The following SUMO2 variants were observed in gnomAD, a reference collection of about 807,000 sequenced individuals.
The protein encoded by SUMO2 is small ubiquitin-related modifier 2.
In SUMO2, 1 loss-of-function variant was observed where a neutral mutation model predicts 16.0. The ratio of observed to expected loss-of-function variants is 0.06; its 90% confidence interval spans 0.02 to 0.30. The LOEUF is 0.30. SUMO2 is among the 10% of genes least tolerant of loss of function. The probability of loss-of-function intolerance (pLI) is 1.00; values close to 1 mark genes in which losing one functional copy is unlikely to be tolerated. For synonymous variants in SUMO2, 36 were observed against 40.6 expected, an observed-to-expected ratio of 0.89 and a Z score of 0.43; for missense variants, 16 against 117.5, an observed-to-expected ratio of 0.14 and a Z score of 3.99.
Position 75,166,616 on chromosome 17 carries a change from C to T in SUMO2, c.*1723G>A, listed in dbSNP as rs2074695119. ...CCGGCCTGGACAATATGGCGAAACA[C>T]TCTCTATAAAAAATACAAGAATTAG... On this transcript the variant is annotated 3_prime_UTR_variant, in exon 4 of 4. Transcript: ENST00000420826. 1 of 151,978 alleles carries T rather than the reference C, an allele frequency of 6.6e-6. No homozygotes were observed. Among genetic ancestry groups the T allele is most frequent in the Non-Finnish European group, 1.5e-5 (1 of 67,932 alleles). The allele number at this position is 151,978 out of a possible 1,614,324, so 9.4% of individuals were successfully genotyped here.
rs746155821 is a variant in SUMO2, at chr17:75,182,820, C to G, written c.15G>C (p.Lys5Asn). Residue 5 changes from lysine to asparagine, a missense_variant, in exon 1 of 4, where the codon AAG becomes AAC. Lys to Asn is a moderately conservative substitution (Grantham distance 94, BLOSUM62 0). Coordinates refer to ENST00000420826, the MANE Select transcript of SUMO2 (RefSeq NM_006937.4). MADE[K>N]PKEGVKTENN... ...GGGCCGGCGGCGAGCTCACCTTGGG[C>G]TTTTCGTCGGCCATGGCGAGCGCCG... is the stretch of plus-strand genomic sequence containing the variant. The G allele has an allele frequency of 1.4e-6, 2 of 1,411,702 alleles. No individual in the cohort carries two copies. Among genetic ancestry groups the G allele is most frequent in the Non-Finnish European group, 1.9e-6 (2 of 1,076,008 alleles). The allele number at this position is 1,411,702 out of a possible 1,614,324, so 87.4% of individuals were successfully genotyped here.
At position 75,182,836 on chromosome 17, in the gene SUMO2, G is replaced by T. The variant is rs772389857; in HGVS notation, c.-2C>A. The T allele has an allele frequency of 3.2e-5, 45 of 1,409,020 alleles. No individual in the cohort carries two copies. The highest frequency in any genetic ancestry group is 4.1e-5 in the Non-Finnish European group (44 of 1,074,702). The allele number at this position is 1,409,020 out of a possible 1,614,324, so 87.3% of individuals were successfully genotyped here. The stretch of plus-strand genomic sequence containing the variant: ...CACCTTGGGCTTTTCGTCGGCCATG[G>T]CGAGCGCCGGAGTCTCCTCAGCTGC... On this transcript the variant is annotated 5_prime_UTR_variant, in exon 1 of 4. Transcript: ENST00000420826.
chr17:75,182,090 C>T (rs2074833422), intron 1 of SUMO2, among the ~76,000 whole-genome samples: 1 of 152,174 alleles, frequency 6.6e-6, no homozygotes, highest in South Asian at 2.1e-4. Flanking sequence ...AAAAGTTAAG[C>T]CGCACAAAGT....
At chr17:75,181,836 C>G (rs550131784) in intron 1 of SUMO2, among the ~76,000 whole-genome samples, 19 of 152,124 alleles carry the variant, frequency 1.2e-4, no homozygotes, top group South Asian at 4.2e-4. Flanking sequence ...CCCCTCCCCC[C>G]CTTTGTTGTC....
At position 75,178,342 on chromosome 17, in the gene SUMO2, C is replaced by T. The variant is rs189281248; in HGVS notation, c.153+2715G>A. Among the ~76,000 whole-genome samples the T allele has an allele frequency of 5.7e-3, 864 of 151,608 alleles. 29 individuals carry two copies. The highest frequency in any genetic ancestry group is 0.039 in the Admixed American group (591 of 15,158). ...CATCCTGGCCAATATTGTGAAACCC[C>T]GTCTCTACAAAAAATACAAAAATTG... is the stretch of plus-strand genomic sequence containing the variant. On this transcript the variant is annotated intron_variant, in intron 2 of 3. Transcript: ENST00000420826.
At chr17:75,176,425 G>A (rs2074782836) in intron 2 of SUMO2, among the ~76,000 whole-genome samples, 1 of 152,038 alleles carries the variant, frequency 6.6e-6, no homozygotes, top group South Asian at 2.1e-4. Context: ...AGATCAGCCT[G>A]GCCAATATGG....
In SUMO2 at chr17:75,182,798, C is replaced by T; in HGVS notation, c.21+16G>A. 7.3e-7 allele frequency: 1 copy of T among 1,376,122 alleles called. No homozygotes were observed. The highest frequency in any genetic ancestry group is 1.8e-5 in the South Asian group (1 of 55,088). The allele number at this position is 1,376,122 out of a possible 1,614,324, so 85.2% of individuals were successfully genotyped here. A position where few individuals can be genotyped will look rare whatever the true frequency, so the allele number is the denominator to read the frequency against. On this transcript the variant is annotated intron_variant, in intron 1 of 3. Transcript: ENST00000420826. ...CCCACCGCGCGGCGAGGCGAAGGGG[C>T]CGGCGGCGAGCTCACCTTGGGCTTT...
chr17:75,174,182 C>A (rs371146078), intron 3 of SUMO2, among the ~76,000 whole-genome samples: 5 of 152,226 alleles, frequency 3.3e-5, no homozygotes, highest in African/African-American at 9.6e-5. Context: ...TTGTGGTCAG[C>A]AGTTCAAGAC....
intron 2 of SUMO2, among the ~76,000 whole-genome samples, chr17:75,179,755 GT>G (rs2074812373): frequency 6.6e-6 from 1 of 151,682 alleles, no homozygotes; most frequent in Non-Finnish European, 1.5e-5. Flanking sequence ...CACCTCCCAG[GT>G]TCAAGGGATT....
At chr17:75,170,392 A>G (rs1409181856) in intron 3 of SUMO2, among the ~76,000 whole-genome samples, 2 of 151,736 alleles carry the variant, frequency 1.3e-5, no homozygotes, top group African/African-American at 4.8e-5. Context: ...CAACATGGTG[A>G]AACCCTGTTT....
At chr17:75,180,404 A>C (rs947694135) in intron 2 of SUMO2, among the ~76,000 whole-genome samples, 2 of 141,178 alleles carry the variant, frequency 1.4e-5, no homozygotes, top group African/African-American at 2.6e-5. Flanking sequence ...AAAAAAAAAA[A>C]AAAAAAAAAA....
intron 3 of SUMO2, among the ~76,000 whole-genome samples, chr17:75,174,174 G>C (rs1029449007): frequency 6.6e-5 from 10 of 151,048 alleles, no homozygotes; most frequent in African/African-American, 2.4e-4. Flanking sequence ...CGGATTACTT[G>C]TGGTCAGCAG....
intron 1 of SUMO2, 24 bp from the exon 2 acceptor site, chr17:75,181,212 T>C (rs772581400): frequency 2.5e-6 from 4 of 1,610,072 alleles, no homozygotes; most frequent in Non-Finnish European, 2.5e-6. Context: ...AATAAAAGTA[T>C]AATTTGGGAA....
chr17:75,174,662 T>C (rs755858294), intron 3 of SUMO2, 90 bp downstream of exon 3: 19 of 1,216,574 alleles, frequency 1.6e-5, no homozygotes, highest in East Asian at 7.6e-5. Context: ...CAAGAACTTA[T>C]ACTCCAGTGT....
chr17:75,174,930 T>C, intron 2 of SUMO2, 107 bp from the exon 3 acceptor site: 2 of 956,530 alleles, frequency 2.1e-6, no homozygotes, highest in East Asian at 2.6e-5. Context: ...AATACCTAAA[T>C]AAACAATTGC....
intron 2 of SUMO2, among the ~76,000 whole-genome samples, chr17:75,178,897 G>T (rs1335198886): frequency 2.0e-5 from 3 of 152,100 alleles, no homozygotes; most frequent in Admixed American, 6.6e-5. Context: ...GGAGGATGCA[G>T]TGAGCCGAGA....
chr17:75,176,557 AG>A lies in SUMO2; in HGVS notation c.154-1735del, dbSNP rs371482509. On this transcript the variant is annotated intron_variant, in intron 2 of 3. Coordinates refer to ENST00000420826, the MANE Select transcript of SUMO2 (RefSeq NM_006937.4). ...CTTGAACCTGGGAGGCGGAGTTTGC[AG>A]TGAGCCAAGATCGTGCCCTAGCACT... 2.1e-3 allele frequency among the ~76,000 whole-genome samples: 320 copies of A among 152,122 alleles called. 2 individuals are homozygous for A. Among genetic ancestry groups the A allele is most frequent in the African/African-American group, 7.3e-3 (305 of 41,542 alleles).
chr17:75,180,412 A>C lies in SUMO2; in HGVS notation c.153+645T>G, dbSNP rs865827159. 2.4e-4 allele frequency among the ~76,000 whole-genome samples: 34 copies of C among 142,560 alleles called. No homozygotes were observed. In the East Asian group the frequency reaches 2.8e-3, roughly 12 times the overall value. The allele number at this position is 142,560 out of a possible 152,430, so 93.5% of individuals were successfully genotyped here. On this transcript the variant is annotated intron_variant, in intron 2 of 3. Transcript: ENST00000420826. ...CAGCTTAAAAAAAAAAAAAAAAAAA[A>C]AAAAAAAAACGACTTCTTGGTTTGG...
intron 2 of SUMO2, among the ~76,000 whole-genome samples, chr17:75,176,593 G>A (rs75176740): frequency 0.018 from 2,770 of 151,290 alleles, 45 homozygotes; most frequent in Middle Eastern, 0.041. Flanking sequence ...TCCAGCCTGG[G>A]TGACAGACCA....
Sources: allele counts gnomAD v4.1 joint callset (sites outside exome capture counted in the v4.1 genomes callset), GRCh38; gene constraint gnomAD v4.1.1; transcripts MANE v1.5; gene names NCBI Gene and HGNC (gene_info 2026-07-23, HGNC 2026-07-21).